The following BARX2 variants were observed in gnomAD, a reference collection of about 807,000 sequenced individuals.
BARX2 encodes BARX homeobox 2.
BARX2 carries 11 observed loss-of-function variants against 25.5 expected under a neutral mutation model. The observed-to-expected ratio is 0.43, with a 90% CI of 0.27 to 0.71. The LOEUF (loss-of-function observed/expected upper bound fraction) is 0.71. Ranked by LOEUF, BARX2 falls within the 30% of genes least tolerant of loss-of-function variation. The probability of loss-of-function intolerance (pLI) is 0.19; values close to 1 mark genes in which losing one functional copy is unlikely to be tolerated. For synonymous variants in BARX2, 137 were observed against 149.5 expected (o/e 0.92, Z 0.61); for missense variants, 360 against 359.9 (o/e 1.00, Z 0.00).
rs180805589 is a variant in BARX2 at position 129,390,164 on chromosome 11, A to G, written c.187+13942A>G. On this transcript the variant is annotated intron_variant, in intron 1 of 3. Coordinates refer to ENST00000281437, the MANE Select transcript of BARX2 (RefSeq NM_003658.5). This position sits in a 1 kb window ranked among gnomAD's most constrained non-coding sequence, Gnocchi z 4.3. Reference sequence around the variant, plus strand: ...TTCTCACCTTCTATGGTGCAAAGGCATCGCCAGTGAACAGGGTGATGCCTC... The same window carrying G: ...TTCTCACCTTCTATGGTGCAAAGGCGTCGCCAGTGAACAGGGTGATGCCTC... Among the ~76,000 whole-genome samples, 16 of 152,344 alleles carry G rather than the reference A, an allele frequency of 1.1e-4. No homozygotes were observed. In the East Asian group the frequency reaches 2.3e-3, roughly 22 times the overall value.
At chr11:129,434,400 TAAAAAAA>T (rs1190340519) in intron 1 of BARX2, among the ~76,000 whole-genome samples, 1 of 81,838 alleles carries the variant, frequency 1.2e-5, no homozygotes, top group Non-Finnish European at 2.4e-5. Flanking sequence ...GTCTCTACTT[TAAAAAAA>T]AAAAAAAAGT....
intron 1 of BARX2, among the ~76,000 whole-genome samples, chr11:129,429,022 T>TTC (rs1491430382): frequency 0.087 from 13,010 of 149,484 alleles, 666 homozygotes; most frequent in Middle Eastern, 0.14. Context: ...TTTTTTTTTT[T>TTC]CATGAAGATT....
rs1332840342 is a variant in BARX2 at position 129,436,363 on chromosome 11, G to A, written c.188-388G>A. 2 of 203,284 alleles carry A rather than the reference G, an allele frequency of 9.8e-6. No homozygotes were observed. Among genetic ancestry groups the A allele is most frequent in the Non-Finnish European group, 2.0e-5 (2 of 102,084 alleles). The allele number at this position is 203,284 out of a possible 1,614,324, so 12.6% of individuals were successfully genotyped here. On this transcript the variant is annotated intron_variant, in intron 1 of 3. Transcript: ENST00000281437. The surrounding 1 kb of genome is among the most constrained non-coding windows in gnomAD (Gnocchi z 4.5). ...AAAGACCACAGGTGGTTCTCAGGAA[G>A]TTTGCATATTACAAATCTATTTCGG...
At chr11:129,443,054 G>T in intron 3 of BARX2, 135 bp downstream of exon 3, 1 of 721,820 alleles carries the variant, frequency 1.4e-6, no homozygotes. Context: ...GCTGGCTTGC[G>T]GGGAAGCTGT....
chr11:129,397,932 C>T (rs1861738723), intron 1 of BARX2, among the ~76,000 whole-genome samples: 1 of 152,204 alleles, frequency 6.6e-6, no homozygotes, highest in Admixed American at 6.5e-5. Flanking sequence ...TTGAATACAG[C>T]TGAACATTTT....
chr11:129,444,859 G>T (rs2042280568), intron 3 of BARX2, among the ~76,000 whole-genome samples: 1 of 152,018 alleles, frequency 6.6e-6, no homozygotes, highest in African/African-American at 2.4e-5. Context: ...AAATTAGCTG[G>T]GTGTGGTGTT....
In BARX2 at chr11:129,451,184, A is replaced by C; in HGVS notation, c.622A>C (p.Lys208Gln). 1 of 1,614,174 alleles carries C rather than the reference A, an allele frequency of 6.2e-7. No homozygotes were observed. Among genetic ancestry groups the C allele is most frequent in the Non-Finnish European group, 8.5e-7 (1 of 1,180,020 alleles). ...ACCCACAAAACCCAAAGGTCGCCCCAAGAAGAACTCCATCCCCACATCAGA... is the reference window on the plus strand; with the variant it reads ...ACCCACAAAACCCAAAGGTCGCCCCCAGAAGAACTCCATCCCCACATCAGA... The part of the protein sequence containing the change: ...EAPTKPKGRP[K>Q]KNSIPTSEEI... The change falls in exon 4 of 4, where the codon AAG becomes CAG. Residue 208 changes from lysine (K) to glutamine (Q), a missense_variant. Lys to Gln is a moderately conservative substitution (Grantham distance 53, BLOSUM62 1). Transcript: ENST00000281437.
intron 1 of BARX2, among the ~76,000 whole-genome samples, chr11:129,399,292 G>A (rs1034077969): frequency 6.6e-5 from 10 of 152,146 alleles, no homozygotes; most frequent in Admixed American, 6.5e-5. Context: ...ATGACAAGTC[G>A]TCTGGAATGT....
chr11:129,392,214 T>C (rs962169979), intron 1 of BARX2, among the ~76,000 whole-genome samples: 3 of 152,194 alleles, frequency 2.0e-5, no homozygotes, highest in Non-Finnish European at 2.9e-5. Context: ...GGGTGAGGCT[T>C]TGCGTCTCCA....
chr11:129,384,948 A>G (rs1161859000), intron 1 of BARX2, among the ~76,000 whole-genome samples: 1 of 152,232 alleles, frequency 6.6e-6, no homozygotes, highest in African/African-American at 2.4e-5. Context: ...ACTTTCCTAA[A>G]GTCACAAGAT....
intron 1 of BARX2, among the ~76,000 whole-genome samples, chr11:129,411,440 G>A (rs1245861430): frequency 1.3e-5 from 2 of 151,482 alleles, no homozygotes; most frequent in Admixed American, 1.3e-4. Flanking sequence ...ATACGGACAT[G>A]AAGAAGTTAT....
intron 1 of BARX2, among the ~76,000 whole-genome samples, chr11:129,410,900 G>A (rs4397864): frequency 0.39 from 59,403 of 152,078 alleles, 15,134 homozygotes; most frequent in African/African-American, 0.72. Flanking sequence ...GAACTATTGA[G>A]ATCATGTTCT....
At chr11:129,382,323 C>G (rs890960437) in intron 1 of BARX2, among the ~76,000 whole-genome samples, 2 of 152,106 alleles carry the variant, frequency 1.3e-5, no homozygotes, top group Non-Finnish European at 1.5e-5. Flanking sequence ...GGACTACAGA[C>G]ATGTGCCACC....
At chr11:129,446,674 C>T (rs1862333470) in intron 3 of BARX2, among the ~76,000 whole-genome samples, 2 of 152,212 alleles carry the variant, frequency 1.3e-5, no homozygotes, top group Non-Finnish European at 2.9e-5. Flanking sequence ...GGACTCCGCA[C>T]AGCCCTGAGC....
intron 2 of BARX2, 148 bp downstream of exon 2, chr11:129,437,199 T>C: frequency 1.0e-6 from 1 of 963,246 alleles, no homozygotes; most frequent in South Asian, 3.2e-5. Flanking sequence ...CATCTCAACC[T>C]TGGTTAACAG....
rs187157140 is a variant in BARX2, at chr11:129,429,633, C to T, written c.188-7118C>T. On this transcript the variant is annotated intron_variant, in intron 1 of 3. Coordinates refer to ENST00000281437, the MANE Select transcript of BARX2 (RefSeq NM_003658.5). ...ACTCGTTCTACCAGATAAGAAAACT[C>T]CCTAAAACCCCACAATCATTAAAGT... 1.8e-3 allele frequency among the ~76,000 whole-genome samples: 272 copies of T among 152,190 alleles called. 3 individuals are homozygous for T. Among genetic ancestry groups the T allele is most frequent in the African/African-American group, 6.4e-3 (264 of 41,508 alleles).
In BARX2 at chr11:129,440,757, G is replaced by A. The variant is rs142314499; in HGVS notation, c.489-2078G>A. On this transcript the variant is annotated intron_variant, in intron 2 of 3. Transcript: ENST00000281437. ...AGCTGCACCTGAGATCATCAGGGCC[G>A]GTCCCTGTGGGCCTCCCTGATAGTT... Among the ~76,000 whole-genome samples the A allele has an allele frequency of 3.5e-3, 538 of 152,232 alleles. 2 individuals carry two copies. Among genetic ancestry groups the A allele is most frequent in the Non-Finnish European group, 6.0e-3 (411 of 67,994 alleles).
chr11:129,435,411 G>C (rs749571983), intron 1 of BARX2, among the ~76,000 whole-genome samples: 6 of 152,236 alleles, frequency 3.9e-5, no homozygotes, highest in African/African-American at 7.2e-5. Context: ...AAAGGCATGG[G>C]AAGGAATAAG....
At chr11:129,387,641 C>T (rs1861628637) in intron 1 of BARX2, among the ~76,000 whole-genome samples, 1 of 152,186 alleles carries the variant, frequency 6.6e-6, no homozygotes, top group African/African-American at 2.4e-5. Context: ...GCACATTAGA[C>T]AGCTGTGGCT....
Sources: allele counts gnomAD v4.1 joint callset (sites outside exome capture counted in the v4.1 genomes callset), GRCh38; gene constraint gnomAD v4.1.1; non-coding constraint Gnocchi (gnomAD v3.1); transcripts MANE v1.5; gene names NCBI Gene and HGNC (gene_info 2026-07-23, HGNC 2026-07-21).